FGF14: variants seen among roughly 807,000 people sequenced by gnomAD.
FGF14 encodes the protein fibroblast growth factor 14, also known as fibroblast growth factor homologous factor 4.
FGF14 carries 5 observed loss-of-function variants against 25.5 expected under a neutral mutation model. The ratio of observed to expected loss-of-function variants is 0.20; its 90% CI spans 0.10 to 0.41. The LOEUF (loss-of-function observed/expected upper bound fraction) is 0.41. Among genes scored for constraint, FGF14 ranks in the 10% least tolerant of loss-of-function variants. The pLI is 1.00. For synonymous variants in FGF14, 138 were observed against 118.3 expected, an observed-to-expected ratio of 1.17 and a Z score of -1.08; for missense variants, 222 against 320.1, an observed-to-expected ratio of 0.69 and a Z score of 2.34.
chr13:102,389,554 A>G (rs2058383403), intron 1 of FGF14, among the ~76,000 whole-genome samples: 1 of 152,242 alleles, frequency 6.6e-6, no homozygotes. Context: ...AAATATTTGC[A>G]TAACAAACCA....
intron 1 of FGF14, among the ~76,000 whole-genome samples, chr13:102,170,579 C>T (rs1276315472): frequency 2.6e-5 from 4 of 152,112 alleles, no homozygotes; most frequent in East Asian, 1.9e-4. Flanking sequence ...GGTGAAAGGC[C>T]GACAATGACC....
intron 1 of FGF14, among the ~76,000 whole-genome samples, chr13:101,894,614 G>T (rs2030336138): frequency 1.3e-5 from 2 of 152,096 alleles, no homozygotes; most frequent in South Asian, 4.1e-4. Flanking sequence ...ATGTTATATT[G>T]CTTAACATAT....
intron 1 of FGF14, among the ~76,000 whole-genome samples, chr13:102,207,280 G>A (rs895400453): frequency 2.7e-5 from 4 of 149,948 alleles, no homozygotes; most frequent in Non-Finnish European, 4.4e-5. Context: ...ACTCCATCTC[G>A]AAAAAATAAA....
At chr13:101,857,039 T>C (rs1170005501) in intron 3 of FGF14, among the ~76,000 whole-genome samples, 2 of 152,030 alleles carry the variant, frequency 1.3e-5, no homozygotes, top group Non-Finnish European at 2.9e-5. Flanking sequence ...TTGTCATTGT[T>C]TCCTCATGAA....
At chr13:101,993,030 C>T (rs1184372402) in intron 1 of FGF14, among the ~76,000 whole-genome samples, 1 of 151,742 alleles carries the variant, frequency 6.6e-6, no homozygotes, top group African/African-American at 2.4e-5. Flanking sequence ...ATATATCATA[C>T]TCAAACTGCA....
At chr13:101,804,162 G>T in intron 3 of FGF14, among the ~76,000 whole-genome samples, 1 of 152,262 alleles carries the variant, frequency 6.6e-6, no homozygotes, top group South Asian at 2.1e-4. Context: ...AGTTAGATGC[G>T]ATGAGCATTT....
At chr13:102,071,306 G>A (rs552358622) in intron 1 of FGF14, among the ~76,000 whole-genome samples, 25 of 152,102 alleles carry the variant, frequency 1.6e-4, no homozygotes, top group Non-Finnish European at 2.9e-4. Context: ...AAAAACTACC[G>A]AAGCCATTTT....
chr13:102,020,268 G>A (rs533747068), intron 1 of FGF14, among the ~76,000 whole-genome samples: 2 of 151,402 alleles, frequency 1.3e-5, no homozygotes, highest in Admixed American at 6.6e-5. Flanking sequence ...TGAGAGAATA[G>A]GCGGGTATGG....
At chr13:101,952,095 T>G (rs1170845040) in intron 1 of FGF14, among the ~76,000 whole-genome samples, 2 of 152,208 alleles carry the variant, frequency 1.3e-5, no homozygotes, top group Non-Finnish European at 2.9e-5. Flanking sequence ...CTGGAAGATA[T>G]TTTGTTCATA....
At chr13:101,966,446 A>G (rs555834998) in intron 1 of FGF14, among the ~76,000 whole-genome samples, 17 of 151,912 alleles carry the variant, frequency 1.1e-4, no homozygotes, top group African/African-American at 4.1e-4. Flanking sequence ...CTCAGATTCC[A>G]GAACTGTTAG....
At chr13:102,136,594 C>T (rs1458067161) in intron 1 of FGF14, among the ~76,000 whole-genome samples, 1 of 150,624 alleles carries the variant, frequency 6.6e-6, no homozygotes, top group Non-Finnish European at 1.5e-5. Flanking sequence ...AGAGTTAGTT[C>T]TTCTAGGATC....
At chr13:102,326,675 GA>G (rs1306308324) in intron 1 of FGF14, among the ~76,000 whole-genome samples, 1,348 of 69,788 alleles carry the variant, frequency 0.019, 59 homozygotes, top group African/African-American at 0.077. Context: ...GAGGGGAAGG[GA>G]AGGGAAGGGA....
chr13:102,257,923 A>G (rs2052529890), intron 1 of FGF14, among the ~76,000 whole-genome samples: 1 of 152,152 alleles, frequency 6.6e-6, no homozygotes, highest in Non-Finnish European at 1.5e-5. Flanking sequence ...ATAGCTGTGT[A>G]TTAGTCTGTT....
At chr13:102,022,192 A>T (rs1216944466) in intron 1 of FGF14, among the ~76,000 whole-genome samples, 1 of 152,098 alleles carries the variant, frequency 6.6e-6, no homozygotes. Context: ...CTGGGCAAGA[A>T]ATAGCCCTCT....
intron 1 of FGF14, among the ~76,000 whole-genome samples, chr13:102,273,110 T>C (rs941907867): frequency 7.9e-5 from 12 of 152,158 alleles, no homozygotes; most frequent in Non-Finnish European, 2.9e-5. Flanking sequence ...TTTCCTCTAG[T>C]TGAAGGGAAT....
At chr13:102,047,754 C>T (rs2042050271) in intron 1 of FGF14, among the ~76,000 whole-genome samples, 1 of 152,016 alleles carries the variant, frequency 6.6e-6, no homozygotes, top group Non-Finnish European at 1.5e-5. Context: ...GGGTGCAGCA[C>T]ACCAACATGG....
intron 1 of FGF14, among the ~76,000 whole-genome samples, chr13:102,363,670 A>G (rs1323979025): frequency 6.6e-6 from 1 of 152,188 alleles, no homozygotes; most frequent in Admixed American, 6.5e-5. Flanking sequence ...AACCAGAGAA[A>G]ATATATTATT....
chr13:102,205,180 T>G (rs1488806788), intron 1 of FGF14, among the ~76,000 whole-genome samples: 4 of 152,172 alleles, frequency 2.6e-5, no homozygotes, highest in Non-Finnish European at 5.9e-5. Flanking sequence ...GGTGTGTATG[T>G]GTGTGTGTGC....
intron 1 of FGF14, among the ~76,000 whole-genome samples, chr13:102,204,195 T>C (rs1391490446): frequency 6.6e-6 from 1 of 152,204 alleles, no homozygotes; most frequent in Admixed American, 6.5e-5. Context: ...TTTCGCACAT[T>C]GCTGTCTGGC....
Sources: gnomAD v4.1 joint callset for allele counts (sites outside exome capture counted in the v4.1 genomes callset) on GRCh38, gnomAD v4.1.1 for gene constraint, MANE v1.5 for transcripts, NCBI Gene and HGNC (gene_info 2026-07-23, HGNC 2026-07-21) for gene names.